CRPPA: variants seen among roughly 807,000 people sequenced by gnomAD.
CRPPA encodes D-ribitol-5-phosphate cytidylyltransferase.
In CRPPA, 43 loss-of-function variants were observed where a neutral mutation model predicts 52.0. The observed-to-expected ratio is 0.83, with a 90% CI of 0.65 to 1.07. CRPPA has a LOEUF of 1.07. Ranked by LOEUF, CRPPA falls within the 50% of genes least tolerant of loss-of-function variation. The pLI, the probability that CRPPA is intolerant of heterozygous loss-of-function variation, is 0.00. For synonymous variants in CRPPA, 250 were observed against 203.5 expected (o/e 1.23, Z -1.94); for missense variants, 629 against 551.7 (o/e 1.14, Z -1.40).
intron 1 of CRPPA, among the ~76,000 whole-genome samples, chr7:16,414,397 A>ACC (rs1788141955): frequency 8.0e-6 from 1 of 124,906 alleles, no homozygotes; most frequent in East Asian, 2.5e-4. Flanking sequence ...ACACACACAC[A>ACC]CACACCCCAT....
At chr7:16,142,824 G>C (rs1372579106) in intron 9 of CRPPA, among the ~76,000 whole-genome samples, 1 of 152,138 alleles carries the variant, frequency 6.6e-6, no homozygotes, top group Non-Finnish European at 1.5e-5. Flanking sequence ...GGCACAAAGA[G>C]TAATGAATCT....
At chr7:16,107,160 G>A (rs2128365963) in intron 9 of CRPPA, among the ~76,000 whole-genome samples, 1 of 152,104 alleles carries the variant, frequency 6.6e-6, no homozygotes, top group Non-Finnish European at 1.5e-5. Flanking sequence ...ATGGGGAACT[G>A]CAGACGGAAT....
chr7:16,181,115 C>G (rs1029432243), intron 9 of CRPPA, among the ~76,000 whole-genome samples: 2 of 151,846 alleles, frequency 1.3e-5, no homozygotes, highest in Admixed American at 6.6e-5. Context: ...ATCTCTACTA[C>G]AGTCAAAATT....
intron 8 of CRPPA, among the ~76,000 whole-genome samples, chr7:16,250,112 A>T (rs1360975043): frequency 6.6e-6 from 1 of 152,236 alleles, no homozygotes; most frequent in East Asian, 1.9e-4. Context: ...TGAATCGATC[A>T]GGCAGAAGAA....
chr7:16,282,497 G>C (rs1583490178), intron 5 of CRPPA, among the ~76,000 whole-genome samples: 1 of 152,058 alleles, frequency 6.6e-6, no homozygotes, highest in African/African-American at 2.4e-5. Context: ...GACGGAAAAG[G>C]TGAGAAGGGA....
intron 3 of CRPPA, among the ~76,000 whole-genome samples, chr7:16,341,715 C>A (rs1785840638): frequency 6.6e-6 from 1 of 152,126 alleles, no homozygotes; most frequent in Non-Finnish European, 1.5e-5. Context: ...GATATTATGT[C>A]TACCACTTCC....
At position 16,397,712 on chromosome 7, in the gene CRPPA, G is replaced by C. The variant is rs185879138; in HGVS notation, c.534+8349C>G. ...CTGACACGTGATACATGATTGACAT[G>C]CGACCAACGTTTGAGACATGTGACT... On this transcript the variant is annotated intron_variant, in intron 2 of 9. Coordinates refer to ENST00000407010, the MANE Select transcript of CRPPA (RefSeq NM_001101426.4). Among the ~76,000 whole-genome samples, 14 of 152,260 alleles carry C rather than the reference G, an allele frequency of 9.2e-5. No individual in the cohort carries two copies. The East Asian group carries it at 2.5e-3, about 27-fold the overall frequency.
At chr7:16,338,094 T>C (rs999010399) in intron 3 of CRPPA, among the ~76,000 whole-genome samples, 1 of 151,870 alleles carries the variant, frequency 6.6e-6, no homozygotes, top group African/African-American at 2.4e-5. Flanking sequence ...ACAAAAATTA[T>C]CAAAATATTA....
intron 3 of CRPPA, among the ~76,000 whole-genome samples, chr7:16,355,273 A>G (rs1009814029): frequency 2.6e-5 from 4 of 152,330 alleles, no homozygotes; most frequent in African/African-American, 7.2e-5. Flanking sequence ...TGGATACTCA[A>G]TGAACTAGTT....
intron 9 of CRPPA, among the ~76,000 whole-genome samples, chr7:16,176,701 G>A (rs980696989): frequency 6.6e-5 from 10 of 151,978 alleles, no homozygotes; most frequent in South Asian, 2.1e-4. Flanking sequence ...CTCAGCCTCC[G>A]CAGTAGCTGG....
chr7:16,243,810 T>TA (rs1216060497), intron 8 of CRPPA, among the ~76,000 whole-genome samples: 1 of 151,966 alleles, frequency 6.6e-6, no homozygotes, highest in African/African-American at 2.4e-5. Flanking sequence ...TACCAAAAAT[T>TA]AAAAAAATTA....
At chr7:16,197,081 C>T (rs1781755206) in intron 9 of CRPPA, among the ~76,000 whole-genome samples, 1 of 150,766 alleles carries the variant, frequency 6.6e-6, no homozygotes, top group Non-Finnish European at 1.5e-5. Context: ...ACATGATAAA[C>T]ATGGCACACC....
chr7:16,380,214 T>A (rs1234297085), intron 2 of CRPPA, among the ~76,000 whole-genome samples: 3 of 151,670 alleles, frequency 2.0e-5, no homozygotes, highest in Non-Finnish European at 4.4e-5. Context: ...TGCTGAATTT[T>A]GTCAAAGGCC....
chr7:16,254,145 G>A (rs1229685143), intron 8 of CRPPA, among the ~76,000 whole-genome samples: 6 of 152,286 alleles, frequency 3.9e-5, no homozygotes, highest in South Asian at 2.1e-4. Flanking sequence ...TGGTGGGACT[G>A]TAAACTAGTT....
intron 9 of CRPPA, among the ~76,000 whole-genome samples, chr7:16,163,925 C>A (rs1780985325): frequency 6.6e-6 from 1 of 152,114 alleles, no homozygotes; most frequent in Non-Finnish European, 1.5e-5. Flanking sequence ...GTAACCTGAC[C>A]TTTCTCTCTG....
intron 8 of CRPPA, among the ~76,000 whole-genome samples, chr7:16,238,128 G>C (rs1405701236): frequency 6.6e-6 from 1 of 151,702 alleles, no homozygotes; most frequent in African/African-American, 2.4e-5. Flanking sequence ...CCTTATTTTA[G>C]AAAAAAACAG....
At position 16,406,356 on chromosome 7, in the gene CRPPA, T is replaced by A. The variant is rs747712011; in HGVS notation, c.258-19A>T. Reference sequence around the variant, plus strand: ...ACATACTCTAAAAGGAAAGTATATGTACAATTCGTAAATTAATTCTTAGAC... The same window carrying A: ...ACATACTCTAAAAGGAAAGTATATGAACAATTCGTAAATTAATTCTTAGAC... On this transcript the variant is annotated intron_variant, in intron 1 of 9. Coordinates refer to ENST00000407010, the MANE Select transcript of CRPPA (RefSeq NM_001101426.4). The A allele has an allele frequency of 6.3e-7, 1 of 1,592,534 alleles. No homozygotes were observed. The highest frequency in any genetic ancestry group is 8.6e-7 in the Non-Finnish European group (1 of 1,163,928).
At chr7:16,347,977 G>C (rs1030246132) in intron 3 of CRPPA, among the ~76,000 whole-genome samples, 2 of 152,258 alleles carry the variant, frequency 1.3e-5, no homozygotes, top group Non-Finnish European at 2.9e-5. Context: ...CATCCTCTGA[G>C]AGCAGTGCAG....
intron 3 of CRPPA, among the ~76,000 whole-genome samples, chr7:16,363,714 T>G (rs187950820): frequency 3.9e-5 from 6 of 152,220 alleles, no homozygotes; most frequent in Admixed American, 1.3e-4. Context: ...TACTGCAACA[T>G]GATACTGGAG....
Sources: allele counts gnomAD v4.1 joint callset (sites outside exome capture counted in the v4.1 genomes callset), GRCh38; gene constraint gnomAD v4.1.1; transcripts MANE v1.5; gene names NCBI Gene and HGNC (gene_info 2026-07-23, HGNC 2026-07-21).